Variants in GRID2 observed in about 807,000 individuals in gnomAD.
The protein encoded by GRID2 is glutamate ionotropic receptor delta type subunit 2.
In GRID2, 33 loss-of-function variants were observed where a neutral mutation model predicts 114.8. The observed-to-expected ratio is 0.29, with a 90% confidence interval of 0.22 to 0.38. The LOEUF is 0.38. Ranked by LOEUF, GRID2 falls within the 10% of genes least tolerant of loss-of-function variation. The pLI is 1.00. For missense variants in GRID2, 1,184 were observed against 1,257.7 expected, an observed-to-expected ratio of 0.94 and a Z score of 0.89; for synonymous variants, 505 against 449.9, an observed-to-expected ratio of 1.12 and a Z score of -1.55.
At chr4:93,271,906 A>T (rs921572795) in intron 8 of GRID2, among the ~76,000 whole-genome samples, 3 of 152,214 alleles carry the variant, frequency 2.0e-5, no homozygotes, top group East Asian at 1.9e-4. Flanking sequence ...ATAATTTTAC[A>T]TGTATTCTCT....
Position 92,565,181 on chromosome 4 carries a change from G to T in GRID2, c.89-24950G>T, listed in dbSNP as rs138059554. Among the ~76,000 whole-genome samples the T allele has an allele frequency of 6.7e-3, 1,013 of 152,034 alleles. 11 individuals carry two copies. The highest frequency in any genetic ancestry group is 0.021 in the African/African-American group (880 of 41,492). ...TATGTTACTTATTACTTTCATATGA[G>T]AATTTTGATAATATGTTGTATTAAA... On this transcript the variant is annotated intron_variant, in intron 1 of 15. Coordinates refer to ENST00000282020, the MANE Select transcript of GRID2 (RefSeq NM_001510.4).
chr4:93,354,365 A>G (rs540314225), intron 8 of GRID2, among the ~76,000 whole-genome samples: 6 of 152,160 alleles, frequency 3.9e-5, no homozygotes, highest in Admixed American at 3.9e-4. Context: ...TTATTGAGAA[A>G]TAAAGATTAT....
intron 2 of GRID2, among the ~76,000 whole-genome samples, chr4:92,649,650 C>T (rs1159348861): frequency 6.6e-6 from 1 of 151,912 alleles, no homozygotes; most frequent in Admixed American, 6.6e-5. Flanking sequence ...ATAGGTATTT[C>T]CTTGAACCAT....
At chr4:93,528,083 G>A (rs1426688876) in intron 13 of GRID2, among the ~76,000 whole-genome samples, 2 of 151,748 alleles carry the variant, frequency 1.3e-5, no homozygotes, top group African/African-American at 4.8e-5. Context: ...GTGTATATGT[G>A]TATGTGTATA....
chr4:92,938,453 T>G (rs1750832400), intron 2 of GRID2, among the ~76,000 whole-genome samples: 1 of 146,872 alleles, frequency 6.8e-6, no homozygotes, highest in Admixed American at 7.4e-5. Context: ...TTTCCAAGTA[T>G]GGCCTACTAC....
In GRID2 at chr4:93,155,587, TC is replaced by T. The variant is rs1357905627; in HGVS notation, c.735+44636del. Among the ~76,000 whole-genome samples, 3 of 151,968 alleles carry T rather than the reference TC, an allele frequency of 2.0e-5. No homozygotes were observed. In the Admixed American group the frequency reaches 2.0e-4, roughly 10 times the overall value. On this transcript the variant is annotated intron_variant, in intron 4 of 15. Transcript: ENST00000282020. Reference sequence around the variant, plus strand: ...AACTGAATTATTTGGCAACAGTTTATCCAGGTTATCTAATAGTCCAGTAAGA... The same window carrying T: ...AACTGAATTATTTGGCAACAGTTTATCAGGTTATCTAATAGTCCAGTAAGA...
chr4:92,737,860 A>G (rs1736678903), intron 2 of GRID2, among the ~76,000 whole-genome samples: 1 of 152,112 alleles, frequency 6.6e-6, no homozygotes, highest in Admixed American at 6.6e-5. Context: ...ATAGAAATCT[A>G]TTCAGAGCTG....
chr4:92,947,689 G>A (rs1025077194), intron 2 of GRID2, among the ~76,000 whole-genome samples: 1 of 151,658 alleles, frequency 6.6e-6, no homozygotes, highest in African/African-American at 2.4e-5. Context: ...CTTCAGAGGT[G>A]TATATGGGTT....
chr4:93,245,746 T>C (rs1270334809), intron 8 of GRID2, among the ~76,000 whole-genome samples: 1 of 152,224 alleles, frequency 6.6e-6, no homozygotes, highest in Admixed American at 6.5e-5. Flanking sequence ...AGTTCTATAA[T>C]ATGTGAATGT....
chr4:93,221,054 A>C (rs2149488338), intron 6 of GRID2, among the ~76,000 whole-genome samples: 2 of 152,312 alleles, frequency 1.3e-5, no homozygotes, highest in South Asian at 2.1e-4. Context: ...AGATCCCTTA[A>C]GTTGAAGGTA....
intron 14 of GRID2, among the ~76,000 whole-genome samples, chr4:93,681,971 A>G (rs548059246): frequency 0.068 from 10,273 of 151,350 alleles, 474 homozygotes; most frequent in South Asian, 0.11. Flanking sequence ...AGCAAAAGAA[A>G]CTACCATCAG....
chr4:92,640,499 GT>G (rs760836458), intron 2 of GRID2, among the ~76,000 whole-genome samples: 2 of 151,808 alleles, frequency 1.3e-5, no homozygotes, highest in Non-Finnish European at 2.9e-5. Context: ...TATAGATCTA[GT>G]TTGGAAACAA....
intron 13 of GRID2, among the ~76,000 whole-genome samples, chr4:93,604,420 T>C (rs1482322992): frequency 6.6e-6 from 1 of 152,194 alleles, no homozygotes; most frequent in Non-Finnish European, 1.5e-5. Context: ...TCACTTCTTA[T>C]GGAAGAGCAA....
chr4:92,793,654 T>G (rs1739701740), intron 2 of GRID2, among the ~76,000 whole-genome samples: 1 of 151,924 alleles, frequency 6.6e-6, no homozygotes. Flanking sequence ...TTTAGAATTA[T>G]TAATGAAAAT....
At chr4:92,514,932 G>A (rs893834702) in intron 1 of GRID2, among the ~76,000 whole-genome samples, 3 of 151,822 alleles carry the variant, frequency 2.0e-5, no homozygotes, top group Non-Finnish European at 4.4e-5. Context: ...TTGTGGCTCA[G>A]TATGTGTATA....
intron 2 of GRID2, among the ~76,000 whole-genome samples, chr4:93,047,891 A>C (rs994135190): frequency 6.6e-6 from 1 of 151,838 alleles, no homozygotes; most frequent in African/African-American, 2.4e-5. Flanking sequence ...AACAAAAAAA[A>C]CACTCATCTA....
chr4:92,494,312 T>C (rs1051642328), intron 1 of GRID2, among the ~76,000 whole-genome samples: 1 of 151,974 alleles, frequency 6.6e-6, no homozygotes, highest in Non-Finnish European at 1.5e-5. Flanking sequence ...AATTACTAAA[T>C]TACTAAAAAA....
At chr4:92,649,195 A>T in intron 2 of GRID2, among the ~76,000 whole-genome samples, 1 of 111,758 alleles carries the variant, frequency 8.9e-6, no homozygotes, top group East Asian at 2.7e-4. Context: ...GGAGAGAGGG[A>T]AAGATTATGA....
At chr4:93,676,995 G>T (rs538050071) in intron 14 of GRID2, among the ~76,000 whole-genome samples, 21 of 151,176 alleles carry the variant, frequency 1.4e-4, no homozygotes, top group Admixed American at 1.3e-3. Flanking sequence ...CTCGGGAAGC[G>T]CAAGGGGTCA....
Sources: gnomAD v4.1 joint callset for allele counts (sites outside exome capture counted in the v4.1 genomes callset) on GRCh38, gnomAD v4.1.1 for gene constraint, MANE v1.5 for transcripts, NCBI Gene and HGNC (gene_info 2026-07-23, HGNC 2026-07-21) for gene names.